MPZL3: variants seen among roughly 807,000 people sequenced by gnomAD.
MPZL3 encodes the protein myelin protein zero-like protein 3.
A neutral mutation model predicts 24.8 loss-of-function variants in MPZL3; 23 were observed. The observed-to-expected ratio is 0.93, with a 90% CI of 0.67 to 1.31. The LOEUF (loss-of-function observed/expected upper bound fraction) is 1.31, where lower values mean the gene tolerates loss of function less well. Ranked by LOEUF, MPZL3 falls within the 40% of genes most tolerant of loss-of-function variation. The pLI, the probability that MPZL3 is intolerant of heterozygous loss-of-function variation, is 0.00. For synonymous variants in MPZL3, 99 were observed against 106.5 expected (o/e 0.93, Z 0.44); for missense variants, 277 against 294.9 (o/e 0.94, Z 0.44).
At chr11:118,246,223 T>G (rs1013749050) in intron 1 of MPZL3, among the ~76,000 whole-genome samples, 3 of 152,244 alleles carry the variant, frequency 2.0e-5, no homozygotes, top group African/African-American at 7.2e-5. Flanking sequence ...ATGTTTTCCT[T>G]GGACAATCCT....
chr11:118,242,081 C>T (rs1420181533), intron 1 of MPZL3, among the ~76,000 whole-genome samples: 3 of 152,184 alleles, frequency 2.0e-5, no homozygotes, highest in Non-Finnish European at 4.4e-5. Context: ...ACAATCTACA[C>T]TCTCCCCATG....
chr11:118,232,169 T>C (rs546906168), intron 5 of MPZL3, among the ~76,000 whole-genome samples: 2 of 152,304 alleles, frequency 1.3e-5, no homozygotes, highest in South Asian at 4.1e-4. Context: ...ATGCCAATCA[T>C]GGCCCCTCCT....
chr11:118,249,749 C>T (rs1219610595), intron 1 of MPZL3, among the ~76,000 whole-genome samples: 2 of 151,964 alleles, frequency 1.3e-5, no homozygotes, highest in East Asian at 3.8e-4. Context: ...CCCTAGTCTA[C>T]CATTTCTAAA....
At chr11:118,240,499 C>A in intron 1 of MPZL3, 122 bp from the exon 2 acceptor site, 1 of 963,942 alleles carries the variant, frequency 1.0e-6, no homozygotes. Flanking sequence ...TAACAACTAT[C>A]TTCTCAGGCA....
rs1949324586 is a variant in MPZL3, at chr11:118,229,738, TA to T, written c.*155del. 1.7e-6 allele frequency: 1 copy of T among 597,706 alleles called. No individual in the cohort carries two copies. The highest frequency in any genetic ancestry group is 2.9e-6 in the Non-Finnish European group (1 of 344,972). The allele number at this position is 597,706 out of a possible 1,614,324, so 37.0% of individuals were successfully genotyped here. Reference sequence around the variant, plus strand: ...AAATACAACAAGAACATTTATTCAATAAATAAGTGGTTCCTAAAGTCTTTAC... The same window carrying T: ...AAATACAACAAGAACATTTATTCAATAATAAGTGGTTCCTAAAGTCTTTAC... On this transcript the variant is annotated 3_prime_UTR_variant, in exon 6 of 6. Coordinates refer to ENST00000278949, the MANE Select transcript of MPZL3 (RefSeq NM_198275.3).
intron 5 of MPZL3, 141 bp downstream of exon 5, chr11:118,233,318 CT>C: frequency 1.1e-6 from 1 of 903,072 alleles, no homozygotes; most frequent in East Asian, 2.5e-5. Context: ...GTCCAAAATG[CT>C]TTGGGGAAAG....
rs1400007453 is a variant in MPZL3 at position 118,233,518 on chromosome 11, T to C, written c.623A>G (p.Asp208Gly). 3.1e-6 allele frequency: 5 copies of C among 1,613,660 alleles called. No homozygotes were observed. Among genetic ancestry groups the C allele is most frequent in the African/African-American group, 1.3e-5 (1 of 74,892 alleles). ...KSSIEVSDDT[D>G]QEEEEACMAR... ...CATACACGCCTCTTCCTCCTCCTGATCAGTGCTGTAAAAAGAGGACAAACC... is the reference window on the plus strand; with the variant it reads ...CATACACGCCTCTTCCTCCTCCTGACCAGTGCTGTAAAAAGAGGACAAACC... Residue 208 changes from aspartate to glycine, a missense_variant, in exon 5 of 6, where the codon GAT becomes GGT. Physicochemically the swap from Asp to Gly is moderately conservative, Grantham distance 94 (BLOSUM62 -1). Coordinates refer to ENST00000278949, the MANE Select transcript of MPZL3 (RefSeq NM_198275.3).
At chr11:118,231,295 G>A (rs922161934) in intron 5 of MPZL3, among the ~76,000 whole-genome samples, 1 of 152,058 alleles carries the variant, frequency 6.6e-6, no homozygotes, top group African/African-American at 2.4e-5. Flanking sequence ...TTCTCCACTT[G>A]ACTCCCAGGA....
intron 3 of MPZL3, 64 bp from the exon 4 acceptor site, chr11:118,235,653 C>T (rs1228342851): frequency 1.3e-6 from 2 of 1,511,858 alleles, no homozygotes; most frequent in African/African-American, 2.8e-5. Context: ...GCGACATGAG[C>T]AACTAGGTTC....
chr11:118,238,236 T>C (rs1330964050), intron 2 of MPZL3, among the ~76,000 whole-genome samples: 1 of 152,186 alleles, frequency 6.6e-6, no homozygotes, highest in Non-Finnish European at 1.5e-5. Flanking sequence ...AAAAGGGAGA[T>C]TTTTGCTTAT....
chr11:118,234,768 G>A lies in MPZL3; in HGVS notation c.617+656C>T, dbSNP rs541441935. 1.7e-4 allele frequency among the ~76,000 whole-genome samples: 26 copies of A among 151,762 alleles called. 1 individual carries two copies. The South Asian group carries it at 3.6e-3, about 21-fold the overall frequency. On this transcript the variant is annotated intron_variant, in intron 4 of 5. Transcript: ENST00000278949. ...ACACACACACACACAGAGAGAGATT[G>A]AATTTTGGACCTTCTCAATGTAAGA...
In MPZL3 at chr11:118,237,167, A is replaced by C. The variant is rs1949436865; in HGVS notation, c.334T>G (p.Ser112Ala). 6.2e-7 allele frequency: 1 copy of C among 1,614,002 alleles called. No individual in the cohort carries two copies. The highest frequency in any genetic ancestry group is 1.3e-5 in the African/African-American group (1 of 74,910). ...WVGNVYKGDA[S>A]ISISNPTIKD... ...ATGGTAGGGTTGCTTATACTTATAG[A>C]TGCATCCCCTTTGTATACATTTCCA... Residue 112 changes from serine to alanine, a missense_variant, in exon 3 of 6, where the codon TCT becomes GCT. Coordinates refer to ENST00000278949, the MANE Select transcript of MPZL3 (RefSeq NM_198275.3).
rs942273161 is a variant in MPZL3, at chr11:118,228,799, C to T, written c.*1095G>A. The T allele has an allele frequency of 1.2e-4, 19 of 152,086 alleles. No individual in the cohort carries two copies. The highest frequency in any genetic ancestry group is 4.1e-4 in the African/African-American group (17 of 41,430). 9.4% of individuals were successfully genotyped at this position (152,086 alleles called of 1,614,324 possible). ...GTAAAGAGTTTTTCTTGCCTCTGAC[C>T]TGAAAATTCAAGAAGAAAAGTTGTA... On this transcript the variant is annotated 3_prime_UTR_variant, in exon 6 of 6. Coordinates refer to ENST00000278949, the MANE Select transcript of MPZL3 (RefSeq NM_198275.3).
chr11:118,227,980 G>C lies in MPZL3; in HGVS notation c.*1914C>G, dbSNP rs190388423. ...CTCTCTCTGTTGAGGTGTCAGAAAT[G>C]GTCACGTTAGATTGGCCTCAGACAA... is the stretch of plus-strand genomic sequence containing the variant. On this transcript the variant is annotated 3_prime_UTR_variant, in exon 6 of 6. Coordinates refer to ENST00000278949, the MANE Select transcript of MPZL3 (RefSeq NM_198275.3). 1 of 152,274 alleles carries C rather than the reference G, an allele frequency of 6.6e-6. No homozygotes were observed. The highest frequency in any genetic ancestry group is 1.5e-5 in the Non-Finnish European group (1 of 68,018). The allele number at this position is 152,274 out of a possible 1,614,324, so 9.4% of individuals were successfully genotyped here. A position where few individuals can be genotyped will look rare whatever the true frequency, so the allele number is the denominator to read the frequency against.
Position 118,229,383 on chromosome 11 carries a change from GT to G in MPZL3, c.*510del, listed in dbSNP as rs1239286485. On this transcript the variant is annotated 3_prime_UTR_variant, in exon 6 of 6. Transcript: ENST00000278949. ...AACTGAGGTTGAGGTCATTAAACCG[GT>G]AAGTATACGCCCTATACTAACTCAC... is the stretch of plus-strand genomic sequence containing the variant. 6.5e-6 allele frequency: 1 copy of G among 153,208 alleles called. No homozygotes were observed. Among genetic ancestry groups the G allele is most frequent in the African/African-American group, 2.4e-5 (1 of 41,422 alleles). The allele number at this position is 153,208 out of a possible 1,614,324, so 9.5% of individuals were successfully genotyped here. A position where few individuals can be genotyped will look rare whatever the true frequency, so the allele number is the denominator to read the frequency against.
Position 118,235,622 on chromosome 11 carries a change from G to T in MPZL3, c.452-33C>A, listed in dbSNP as rs759049206. 7 of 1,601,912 alleles carry T rather than the reference G, an allele frequency of 4.4e-6. No individual in the cohort carries two copies. The South Asian group carries it at 6.7e-5, about 15-fold the overall frequency. On this transcript the variant is annotated intron_variant, in intron 3 of 5. Transcript: ENST00000278949. ...CGGAGAAAGAGAAGGTAAAAGACAG[G>T]GACATGCAAATATGCCTCCTGCGAC...
At chr11:118,251,013 A>G (rs1949613911) in intron 1 of MPZL3, among the ~76,000 whole-genome samples, 1 of 152,160 alleles carries the variant, frequency 6.6e-6, no homozygotes, top group Non-Finnish European at 1.5e-5. Flanking sequence ...GCAAAATGAC[A>G]TTAGATTTAA....
At chr11:118,233,811 TGA>T (rs1949385363) in intron 4 of MPZL3, among the ~76,000 whole-genome samples, 1 of 152,090 alleles carries the variant, frequency 6.6e-6, no homozygotes, top group Non-Finnish European at 1.5e-5. Context: ...CTGGCCAACA[TGA>T]CAAAACCCCG....
intron 1 of MPZL3, among the ~76,000 whole-genome samples, chr11:118,251,054 A>G (rs1031355191): frequency 1.2e-4 from 18 of 150,666 alleles, no homozygotes; most frequent in South Asian, 8.4e-4. Flanking sequence ...TTTTTTCTCA[A>G]TAAGACAATA....
Sources: gnomAD v4.1 joint callset for allele counts (sites outside exome capture counted in the v4.1 genomes callset) on GRCh38, gnomAD v4.1.1 for gene constraint, MANE v1.5 for transcripts, NCBI Gene and HGNC (gene_info 2026-07-23, HGNC 2026-07-21) for gene names.